NRP1: variants seen among roughly 807,000 people sequenced by gnomAD.
NRP1 encodes neuropilin-1.
In NRP1, 35 loss-of-function variants were observed where a neutral mutation model predicts 106.7. The observed-to-expected ratio is 0.33, with a 90% CI of 0.25 to 0.43. The LOEUF is 0.43. Ranked by LOEUF, NRP1 falls within the 20% of genes least tolerant of loss-of-function variation. The pLI is 1.00. For synonymous variants in NRP1, 437 were observed against 417.9 expected (o/e 1.05, Z -0.56); for missense variants, 1,024 against 1,170.4 (o/e 0.87, Z 1.83).
At chr10:33,265,788 T>A (rs965250773) in intron 3 of NRP1, among the ~76,000 whole-genome samples, 1 of 152,198 alleles carries the variant, frequency 6.6e-6, no homozygotes, top group Non-Finnish European at 1.5e-5. Flanking sequence ...GGTTCAAAAG[T>A]TGGTAACGTG....
chr10:33,199,379 ATATATATATATTTTTTTTTTTTTT>A (rs1837066093), intron 11 of NRP1, among the ~76,000 whole-genome samples: 12 of 56,862 alleles, frequency 2.1e-4, no homozygotes, highest in African/African-American at 8.8e-4. Flanking sequence ...ATATATATAT[ATATATATATATTTTTTTTTTTTTT>A]TTTTTTTTTT....
chr10:33,213,166 G>A (rs1838448113), intron 9 of NRP1: 2 of 1,294,558 alleles, frequency 1.5e-6, no homozygotes, highest in Non-Finnish European at 2.1e-6. Context: ...GCCAGGGAAT[G>A]GGACCAGCAA....
intron 2 of NRP1, among the ~76,000 whole-genome samples, chr10:33,276,413 T>C (rs10437419): frequency 0.49 from 73,915 of 151,964 alleles, 18,245 homozygotes; most frequent in South Asian, 0.56. Context: ...ATTTGATCCA[T>C]TTTCTGAAAG....
In NRP1 at chr10:33,180,274, G is replaced by A. The variant is rs763564863; in HGVS notation, c.2574C>T (p.Leu858=). 1.2e-6 allele frequency: 2 copies of A among 1,614,150 alleles called. No homozygotes were observed. The highest frequency in any genetic ancestry group is 1.7e-6 in the Non-Finnish European group (2 of 1,180,024). ...GGGCACTCATGGCTATGATGGTGAT[G>A]AGGATGGGGTCTAAGGTCTTCAACA... The part of the protein sequence containing the change: ...GNVLKTLDPI[L]ITIIAMSALG... The change falls in exon 17 of 17, where the codon CTC becomes CTT. Residue 858 remains leucine (L), a synonymous_variant. Coordinates refer to ENST00000374867, the MANE Select transcript of NRP1 (RefSeq NM_003873.7).
chr10:33,220,678 C>T (rs1172517199), intron 8 of NRP1, among the ~76,000 whole-genome samples: 3 of 151,948 alleles, frequency 2.0e-5, no homozygotes, highest in Admixed American at 6.6e-5. Context: ...ATGTGGATCA[C>T]CTGAGGTCAG....
In NRP1 at chr10:33,256,462, T is replaced by A; in HGVS notation, c.668A>T (p.His223Leu). 1 of 1,614,056 alleles carries A rather than the reference T, an allele frequency of 6.2e-7. No individual in the cohort carries two copies. Among genetic ancestry groups the A allele is most frequent in the East Asian group, 2.2e-5 (1 of 44,882 alleles). The change falls in exon 5 of 17, where the codon CAC (histidine) becomes CTC (leucine). Residue 223 changes from histidine (H) to leucine (L), a missense_variant. This residue lies in a region of NRP1 where 279 missense variants were observed against 327.4 expected (regional missense o/e 0.85). Coordinates refer to ENST00000374867, the MANE Select transcript of NRP1 (RefSeq NM_003873.7). ...IWDGFPDVGP[H>L]IGRYCGQKTP... is the part of the protein sequence containing the mutation. ...TTTCTGTCCACAGTAACGCCCAATG[T>A]GAGGGCCAACTGGAAAGGGAGGAAT...
intron 2 of NRP1, among the ~76,000 whole-genome samples, chr10:33,274,953 C>T (rs1007275193): frequency 6.6e-6 from 1 of 152,188 alleles, no homozygotes; most frequent in African/African-American, 2.4e-5. Context: ...ACTGAACAAC[C>T]TGTAAACGAT....
intron 9 of NRP1, among the ~76,000 whole-genome samples, chr10:33,209,209 A>G (rs1460822654): frequency 1.3e-5 from 2 of 152,176 alleles, no homozygotes; most frequent in East Asian, 3.9e-4. Flanking sequence ...GCCTGGCCAC[A>G]TATTTTTTAA....
intron 6 of NRP1, among the ~76,000 whole-genome samples, chr10:33,237,245 T>C (rs1564410266): frequency 6.6e-6 from 1 of 152,098 alleles, no homozygotes; most frequent in Admixed American, 6.5e-5. Flanking sequence ...CACAAGCCTA[T>C]GTGGAGGTAA....
At chr10:33,251,558 T>G (rs1257247285) in intron 6 of NRP1, among the ~76,000 whole-genome samples, 3 of 152,168 alleles carry the variant, frequency 2.0e-5, no homozygotes, top group Non-Finnish European at 4.4e-5. Flanking sequence ...TGAGTTACCT[T>G]GCTTCTCCTG....
At chr10:33,325,634 A>G (rs1322135525) in intron 2 of NRP1, among the ~76,000 whole-genome samples, 1 of 152,218 alleles carries the variant, frequency 6.6e-6, no homozygotes, top group Non-Finnish European at 1.5e-5. Flanking sequence ...GCACTGTTTC[A>G]AAGTTTTTAA....
intron 8 of NRP1, among the ~76,000 whole-genome samples, chr10:33,220,669 T>C (rs1418830626): frequency 6.6e-6 from 1 of 151,744 alleles, no homozygotes; most frequent in Non-Finnish European, 1.5e-5. Flanking sequence ...GGCTGAGGCA[T>C]GTGGATCACC....
chr10:33,313,668 T>C (rs1341535992), intron 2 of NRP1, among the ~76,000 whole-genome samples: 1 of 152,178 alleles, frequency 6.6e-6, no homozygotes, highest in Non-Finnish European at 1.5e-5. Context: ...AAAGTCTCAA[T>C]ACTTGAGCTC....
intron 6 of NRP1, among the ~76,000 whole-genome samples, chr10:33,238,081 C>T (rs1199592744): frequency 6.6e-6 from 1 of 152,180 alleles, no homozygotes; most frequent in Non-Finnish European, 1.5e-5. Context: ...CATGATCATG[C>T]ACCACACTGC....
At chr10:33,250,114 A>G (rs1482920820) in intron 6 of NRP1, among the ~76,000 whole-genome samples, 1 of 152,232 alleles carries the variant, frequency 6.6e-6, no homozygotes, top group African/African-American at 2.4e-5. Context: ...TGTCATCTGC[A>G]TACTTATGTG....
At position 33,206,089 on chromosome 10, in the gene NRP1, A is replaced by C; in HGVS notation, c.1759+1483T>G. On this transcript the variant is annotated intron_variant, in intron 10 of 16. Coordinates refer to ENST00000374867, the MANE Select transcript of NRP1 (RefSeq NM_003873.7). ...TTCACTGTCATCATGTTCTCATTAC[A>C]ATTTTTGCAAGCGTGCTTTCAAAAC... The C allele has an allele frequency of 2.1e-5, 9 of 433,086 alleles. 1 individual carries two copies. The highest frequency in any genetic ancestry group is 1.6e-4 in the South Asian group (9 of 57,394). The allele number at this position is 433,086 out of a possible 1,614,324, so 26.8% of individuals were successfully genotyped here.
At chr10:33,285,054 A>G (rs139899150) in intron 2 of NRP1, among the ~76,000 whole-genome samples, 287 of 152,320 alleles carry the variant, frequency 1.9e-3, no homozygotes, top group Non-Finnish European at 3.2e-3. Context: ...AACATTAAGG[A>G]TTTAATTTGA....
At chr10:33,229,305 T>C (rs1243083868) in intron 6 of NRP1, among the ~76,000 whole-genome samples, 1 of 152,202 alleles carries the variant, frequency 6.6e-6, no homozygotes, top group Non-Finnish European at 1.5e-5. Flanking sequence ...TGCCGCAATC[T>C]AAAAGTTAAT....
chr10:33,208,058 T>G (rs759563711), intron 9 of NRP1, among the ~76,000 whole-genome samples: 2 of 152,188 alleles, frequency 1.3e-5, no homozygotes, highest in Non-Finnish European at 2.9e-5. Context: ...CCTGAGTAGC[T>G]TGGACTACAG....
Sources: allele counts gnomAD v4.1 joint callset (sites outside exome capture counted in the v4.1 genomes callset), GRCh38; gene constraint gnomAD v4.1.1; regional missense constraint gnomAD v4.1.1; transcripts MANE v1.5; gene names NCBI Gene and HGNC (gene_info 2026-07-23, HGNC 2026-07-21).